The following TTC23L variants were observed in gnomAD, a reference collection of about 807,000 sequenced individuals.
The protein encoded by TTC23L is tetratricopeptide repeat protein 23-like.
In TTC23L, 42 loss-of-function variants were observed where a neutral mutation model predicts 48.1. That is an observed-to-expected ratio of 0.87 (90% CI 0.68 to 1.13). The LOEUF is 1.13. Among genes scored for constraint, TTC23L ranks in the 50% most tolerant of loss-of-function variants. The probability of loss-of-function intolerance (pLI) is 0.00; values close to 1 mark genes in which losing one functional copy is unlikely to be tolerated. For synonymous variants in TTC23L, 159 were observed against 157.2 expected (o/e 1.01, Z -0.09); for missense variants, 391 against 421.0 (o/e 0.93, Z 0.62).
At chr5:34,841,728 G>T (rs1418305646) in intron 2 of TTC23L, among the ~76,000 whole-genome samples, 1 of 152,106 alleles carries the variant, frequency 6.6e-6, no homozygotes, top group Middle Eastern at 3.2e-3. Flanking sequence ...TGTTACCTAG[G>T]CTGGTCTGGA....
At chr5:34,865,457 C>T (rs938411315) in intron 6 of TTC23L, among the ~76,000 whole-genome samples, 5 of 152,192 alleles carry the variant, frequency 3.3e-5, no homozygotes, top group Non-Finnish European at 7.3e-5. Context: ...TGAATGTCTA[C>T]TCCTGTCACA....
At chr5:34,918,193 T>C in the TTC23L span, 1 of 438,002 alleles carries the variant, frequency 2.3e-6, no homozygotes, top group Non-Finnish European at 4.1e-6. Flanking sequence ...GCCTGTAGTC[T>C]CCAGCTACTG....
At chr5:34,919,881 G>T in the TTC23L span, 1 of 1,162,598 alleles carries the variant, frequency 8.6e-7, no homozygotes, top group Non-Finnish European at 1.2e-6. Context: ...TGTGATTAAC[G>T]AGGTAATTTT....
the TTC23L span, among the ~76,000 whole-genome samples, chr5:34,904,760 C>A: frequency 6.6e-6 from 1 of 152,102 alleles, no homozygotes; most frequent in South Asian, 2.1e-4. Flanking sequence ...CAACCAAAAT[C>A]CTTGGACAAA....
the TTC23L span, chr5:34,916,024 A>T: frequency 8.8e-7 from 1 of 1,140,014 alleles, no homozygotes; most frequent in Non-Finnish European, 1.2e-6. Flanking sequence ...GGTCGGTTTT[A>T]GCAATTCTCC....
intron 3 of TTC23L, among the ~76,000 whole-genome samples, chr5:34,847,845 C>G (rs1416058148): frequency 6.6e-6 from 1 of 152,184 alleles, no homozygotes; most frequent in Non-Finnish European, 1.5e-5. Context: ...GCAGGTAAAA[C>G]ATGAAGTTGG....
intron 8 of TTC23L, among the ~76,000 whole-genome samples, chr5:34,871,091 A>G (rs956653886): frequency 5.3e-5 from 8 of 152,192 alleles, no homozygotes; most frequent in Non-Finnish European, 8.8e-5. Context: ...GAGTACTAGA[A>G]GTCCAGCAAA....
intron 4 of TTC23L, among the ~76,000 whole-genome samples, chr5:34,852,872 G>A (rs529935353): frequency 6.6e-6 from 1 of 152,290 alleles, no homozygotes; most frequent in South Asian, 2.1e-4. Flanking sequence ...GAAGGCCAAG[G>A]AGGAGCAAAG....
chr5:34,911,634 C>A, the TTC23L span: 3 of 1,613,952 alleles, frequency 1.9e-6, no homozygotes, highest in Non-Finnish European at 1.7e-6. Context: ...CTTCACGGAG[C>A]CCCTCTGACT....
At chr5:34,864,002 G>C (rs1052490779) in intron 5 of TTC23L, among the ~76,000 whole-genome samples, 2 of 152,178 alleles carry the variant, frequency 1.3e-5, no homozygotes, top group African/African-American at 4.8e-5. Flanking sequence ...CTTTTCTGCT[G>C]TTTGCCTTTG....
intron 4 of TTC23L, among the ~76,000 whole-genome samples, chr5:34,856,780 G>A (rs1015062256): frequency 2.0e-5 from 3 of 152,192 alleles, no homozygotes; most frequent in African/African-American, 7.2e-5. Context: ...AACAGGTAAG[G>A]GTATCTGATG....
At chr5:34,915,903 A>C in the TTC23L span, 2 of 1,547,690 alleles carry the variant, frequency 1.3e-6, no homozygotes, top group Admixed American at 4.0e-5. Flanking sequence ...GCAAGGTAGG[A>C]GGGGATGTCC....
At chr5:34,855,677 T>C (rs1290347198) in intron 4 of TTC23L, among the ~76,000 whole-genome samples, 2 of 152,196 alleles carry the variant, frequency 1.3e-5, no homozygotes, top group Admixed American at 1.3e-4. Flanking sequence ...CAGTGGGATA[T>C]ATGGAGTTTT....
intron 2 of TTC23L, among the ~76,000 whole-genome samples, chr5:34,844,386 T>A (rs551478818): frequency 6.1e-5 from 9 of 147,708 alleles, no homozygotes; most frequent in African/African-American, 2.3e-4. Context: ...GTGTAAAAGA[T>A]TACAGTTGGC....
intron 2 of TTC23L, among the ~76,000 whole-genome samples, chr5:34,842,826 C>A (rs1379927886): frequency 6.6e-6 from 1 of 152,178 alleles, no homozygotes; most frequent in African/African-American, 2.4e-5. Flanking sequence ...GGTCACATCC[C>A]ATGGGCCTTC....
chr5:34,848,595 T>C (rs1759409815), intron 3 of TTC23L, among the ~76,000 whole-genome samples: 1 of 152,144 alleles, frequency 6.6e-6, no homozygotes, highest in Non-Finnish European at 1.5e-5. Context: ...GGTGTCTATT[T>C]TAGATAAGGT....
rs191274857 is a variant in TTC23L, at chr5:34,843,894, C to A, written c.69-1593C>A. ...TTTTCAGAAACAAATGAGGCTCAGCCCCTGCCGTATTGGAGTTTACTTTGC... is the reference window on the plus strand; with the variant it reads ...TTTTCAGAAACAAATGAGGCTCAGCACCTGCCGTATTGGAGTTTACTTTGC... On this transcript the variant is annotated intron_variant, in intron 2 of 10. Transcript: ENST00000505624. 1.1e-4 allele frequency among the ~76,000 whole-genome samples: 17 copies of A among 152,200 alleles called. No homozygotes were observed. The East Asian group carries it at 2.5e-3, about 22-fold the overall frequency.
the TTC23L span, chr5:34,911,723 T>G: frequency 6.2e-7 from 1 of 1,614,170 alleles, no homozygotes; most frequent in Non-Finnish European, 8.5e-7. Context: ...GTATTGATTT[T>G]GCAGACTGTC....
At chr5:34,892,863 G>C (rs1762960308) in intron 9 of TTC23L, among the ~76,000 whole-genome samples, 1 of 152,168 alleles carries the variant, frequency 6.6e-6, no homozygotes, top group African/African-American at 2.4e-5. Flanking sequence ...AAGACAGACT[G>C]GGGTGAGATT....
Sources: gnomAD v4.1 joint callset for allele counts (sites outside exome capture counted in the v4.1 genomes callset) on GRCh38, gnomAD v4.1.1 for gene constraint, MANE v1.5 for transcripts, NCBI Gene and HGNC (gene_info 2026-07-23, HGNC 2026-07-21) for gene names.